The following GDAP1 variants were observed in gnomAD, a reference collection of about 807,000 sequenced individuals.
GDAP1 encodes the protein ganglioside induced differentiation associated protein 1, also known as ganglioside-induced differentiation-associated protein 1.
GDAP1 carries 34 observed loss-of-function variants against 40.1 expected under a neutral mutation model. The observed-to-expected ratio is 0.85, with a 90% CI of 0.64 to 1.13. GDAP1 has a LOEUF of 1.13. Ranked by LOEUF, GDAP1 falls within the 50% of genes most tolerant of loss-of-function variation. The probability of loss-of-function intolerance (pLI) is 0.00; values close to 1 mark genes in which losing one functional copy is unlikely to be tolerated. For missense variants in GDAP1, 374 were observed against 433.7 expected, an observed-to-expected ratio of 0.86 and a Z score of 1.22; for synonymous variants, 170 against 157.4, an observed-to-expected ratio of 1.08 and a Z score of -0.60.
At chr8:74,357,600 G>A (rs1204406416) in intron 2 of GDAP1, among the ~76,000 whole-genome samples, 1 of 152,162 alleles carries the variant, frequency 6.6e-6, no homozygotes, top group Non-Finnish European at 1.5e-5. Context: ...AAATTTATGT[G>A]TAATATAAAA....
chr8:74,413,065 C>A (rs1301410252), intron 2 of GDAP1, among the ~76,000 whole-genome samples: 47 of 57,152 alleles, frequency 8.2e-4, no homozygotes, highest in South Asian at 3.0e-3. Context: ...GACTCTGTCT[C>A]AAAAAAAAAA....
intron 2 of GDAP1, among the ~76,000 whole-genome samples, chr8:74,454,801 G>A (rs1327192144): frequency 1.0e-5 from 1 of 100,216 alleles, no homozygotes; most frequent in East Asian, 2.9e-4. Flanking sequence ...AGTTCAAGGG[G>A]TACTACTTAG....
intron 2 of GDAP1, among the ~76,000 whole-genome samples, chr8:74,481,390 A>C (rs1004203972): frequency 6.6e-6 from 1 of 152,246 alleles, no homozygotes. Context: ...TAGACAATAT[A>C]TCATTCCTGA....
intron 2 of GDAP1, among the ~76,000 whole-genome samples, chr8:74,415,256 G>A (rs1156893848): frequency 6.7e-6 from 1 of 150,234 alleles, no homozygotes; most frequent in Non-Finnish European, 1.5e-5. Context: ...AATAGATGAT[G>A]AGTTCTTCTA....
intron 2 of GDAP1, among the ~76,000 whole-genome samples, chr8:74,378,980 T>G (rs1392345717): frequency 2.6e-5 from 4 of 152,162 alleles, no homozygotes; most frequent in Non-Finnish European, 5.9e-5. Flanking sequence ...CCCTGGTCCT[T>G]GGAGTATTGT....
chr8:74,413,090 A>AAAAAAAAATT (rs1805735973), intron 2 of GDAP1, among the ~76,000 whole-genome samples: 1 of 145,544 alleles, frequency 6.9e-6, no homozygotes, highest in Non-Finnish European at 1.5e-5. Flanking sequence ...AAAAAAAAAG[A>AAAAAAAAATT]TTTCTGAAGC....
chr8:74,364,025 C>T lies in GDAP1; in HGVS notation c.735C>T (p.Thr245=), dbSNP rs755020721. 6.2e-7 allele frequency: 1 copy of T among 1,613,930 alleles called. No homozygotes were observed. Among genetic ancestry groups the T allele is most frequent in the Non-Finnish European group, 8.5e-7 (1 of 1,179,886 alleles). ...QQPWLCGESF[T]LADVSLAVTL... ...CTTGGCTCTGCGGTGAATCCTTCACCCTGGCAGACGTCTCACTCGCTGTCA... is the reference window on the plus strand; with the variant it reads ...CTTGGCTCTGCGGTGAATCCTTCACTCTGGCAGACGTCTCACTCGCTGTCA... The change falls in exon 6 of 6, where the codon ACC becomes ACT. Residue 245 remains threonine, a synonymous_variant. Coordinates refer to ENST00000220822, the MANE Select transcript of GDAP1 (RefSeq NM_018972.4).
At chr8:74,458,841 A>G (rs1380777087) in intron 2 of GDAP1, among the ~76,000 whole-genome samples, 1 of 144,462 alleles carries the variant, frequency 6.9e-6, no homozygotes, top group African/African-American at 2.6e-5. Context: ...ATAAGAAGAG[A>G]GAAATTGAGG....
At chr8:74,398,425 T>A (rs1269006294) in intron 2 of GDAP1, among the ~76,000 whole-genome samples, 1 of 152,190 alleles carries the variant, frequency 6.6e-6, no homozygotes, top group Non-Finnish European at 1.5e-5. Context: ...TGAAGTTGCT[T>A]CTCAGCTTAA....
intron 2 of GDAP1, among the ~76,000 whole-genome samples, chr8:74,457,062 C>T (rs972400165): frequency 6.6e-6 from 1 of 152,024 alleles, no homozygotes; most frequent in Non-Finnish European, 1.5e-5. Flanking sequence ...GTTTGGAAGC[C>T]CAGCAAAATT....
rs117087261 is a variant in GDAP1, at chr8:74,387,147, C to T, written c.165+35826C>T. ...GCAAACAGAGGCAATTCTACTTTCT[C>T]TCTCCCTATTTGAATACCGTTTATT... On this transcript the variant is annotated intron_variant, in intron 2 of 2. Coordinates refer to the GDAP1 transcript ENST00000523640. Among the ~76,000 whole-genome samples, 170 of 152,328 alleles carry T rather than the reference C, an allele frequency of 1.1e-3. 2 individuals carry two copies. In the East Asian group the frequency reaches 0.028, roughly 25 times the overall value.
At chr8:74,428,268 A>G (rs1204446458) in intron 2 of GDAP1, among the ~76,000 whole-genome samples, 1 of 151,962 alleles carries the variant, frequency 6.6e-6, no homozygotes. Context: ...AACAACAACA[A>G]CAAAAGTACA....
At chr8:74,429,627 CTCT>C (rs1806001399) in intron 2 of GDAP1, among the ~76,000 whole-genome samples, 1 of 152,146 alleles carries the variant, frequency 6.6e-6, no homozygotes, top group Non-Finnish European at 1.5e-5. Context: ...TCCTAATCTT[CTCT>C]TCTTATAAGG....
At chr8:74,480,911 A>C (rs1351434442) in intron 2 of GDAP1, among the ~76,000 whole-genome samples, 1 of 152,200 alleles carries the variant, frequency 6.6e-6, no homozygotes, top group Non-Finnish European at 1.5e-5. Context: ...ATCCAGTAGA[A>C]CTTCCTGGGA....
At chr8:74,362,481 C>T (rs1233264147) in intron 4 of GDAP1, among the ~76,000 whole-genome samples, 8 of 152,138 alleles carry the variant, frequency 5.3e-5, no homozygotes, top group Non-Finnish European at 1.2e-4. Flanking sequence ...TTTATCCTAT[C>T]GTAGCTAAAC....
chr8:74,450,632 G>T (rs1806290044), intron 2 of GDAP1, among the ~76,000 whole-genome samples: 1 of 86,688 alleles, frequency 1.2e-5, no homozygotes. Context: ...CATTTGCCTG[G>T]AATATTCTTT....
intron 2 of GDAP1, among the ~76,000 whole-genome samples, chr8:74,472,842 A>T (rs554247923): frequency 1.4e-3 from 212 of 151,844 alleles, no homozygotes; most frequent in Non-Finnish European, 2.4e-3. Flanking sequence ...CTGCCTCCCA[A>T]ACTCAAGCAG....
chr8:74,364,625 AG>A lies in GDAP1; in HGVS notation c.*261del. The A allele has an allele frequency of 1.7e-6, 1 of 597,564 alleles. No homozygotes were observed. The highest frequency in any genetic ancestry group is 3.1e-6 in the Non-Finnish European group (1 of 320,422). The allele number at this position is 597,564 out of a possible 1,614,324, so 37.0% of individuals were successfully genotyped here. A position where few individuals can be genotyped will look rare whatever the true frequency, so the allele number is the denominator to read the frequency against. ...AAAAATGAGAGAATGAAGTCTGTATAGGGTAGAGCAATAGAAAGTAAGCTTC... is the reference window on the plus strand; with the variant it reads ...AAAAATGAGAGAATGAAGTCTGTATAGGTAGAGCAATAGAAAGTAAGCTTC... On this transcript the variant is annotated 3_prime_UTR_variant, in exon 6 of 6. Transcript: ENST00000220822.
At chr8:74,392,814 G>A (rs1163950153) in intron 2 of GDAP1, among the ~76,000 whole-genome samples, 7 of 152,174 alleles carry the variant, frequency 4.6e-5, no homozygotes, top group African/African-American at 1.4e-4. Flanking sequence ...CAGATGTCAA[G>A]GCTTAGGGAA....
Sources: allele counts gnomAD v4.1 joint callset (sites outside exome capture counted in the v4.1 genomes callset), GRCh38; gene constraint gnomAD v4.1.1; transcripts MANE v1.5; gene names NCBI Gene and HGNC (gene_info 2026-07-23, HGNC 2026-07-21).